Variants in AGRN observed in about 807,000 individuals in gnomAD.
AGRN encodes agrin proteoglycan.
Under a neutral mutation model 211.0 loss-of-function variants are expected in AGRN, and 106 were observed. The ratio of observed to expected loss-of-function variants is 0.50; its 90% CI spans 0.43 to 0.59. The LOEUF is 0.59. Among genes scored for constraint, AGRN ranks in the 20% least tolerant of loss-of-function variants. The pLI is 0.00. For missense variants in AGRN, 3,040 were observed against 2,982.6 expected, an observed-to-expected ratio of 1.02 and a Z score of -0.45; for synonymous variants, 1,525 against 1,332.5, an observed-to-expected ratio of 1.14 and a Z score of -3.15.
In AGRN at chr1:1,049,706, C is replaced by T. The variant is rs775846318; in HGVS notation, c.4655C>T (p.Pro1552Leu). The T allele has an allele frequency of 2.5e-6, 4 of 1,578,558 alleles. No individual in the cohort carries two copies. The highest frequency in any genetic ancestry group is 3.3e-4 in the Middle Eastern group (2 of 6,030). ...GSGVGECGDH[P>L]CLPNPCHGGA... Reference sequence around the variant, plus strand: ...GGCGTGGGCGAGTGCGGGGACCACCCCTGCCTGCCCAACCCCTGCCATGGC... The same window carrying T: ...GGCGTGGGCGAGTGCGGGGACCACCTCTGCCTGCCCAACCCCTGCCATGGC... Residue 1552 changes from proline (P) to leucine (L), a missense_variant, in exon 26 of 36, where the codon CCC becomes CTC. This residue lies in a region of AGRN where 1,537 missense variants were observed against 1,505.0 expected (regional missense o/e 1.02). Transcript: ENST00000379370.
intron 2 of AGRN, chr1:1,034,872 A>T: frequency 2.8e-6 from 1 of 359,586 alleles, no homozygotes; most frequent in East Asian, 7.3e-5. Flanking sequence ...TTGGGCTCTC[A>T]GTGGGCCTGG....
chr1:1,051,117 C>G (rs989813693), intron 30 of AGRN, 136 bp from the exon 31 acceptor site: 43 of 1,539,812 alleles, frequency 2.8e-5, no homozygotes, highest in Non-Finnish European at 3.2e-5. Flanking sequence ...CCACTAAGGA[C>G]CCTGCCATTT....
intron 3 of AGRN, among the ~76,000 whole-genome samples, chr1:1,038,191 GCTGGGGCCACAT>G (rs1449143547): frequency 3.3e-5 from 5 of 152,208 alleles, no homozygotes; most frequent in African/African-American, 1.2e-4. Flanking sequence ...CCACTCCACA[GCTGGGGCCACAT>G]TCCAAGAGGA....
At chr1:1,052,987 G>C (rs1187063088) in intron 33 of AGRN, 1 of 175,644 alleles carries the variant, frequency 5.7e-6, no homozygotes, top group Non-Finnish European at 1.2e-5. Context: ...GAGCACTCAG[G>C]TGTGTCTGTG....
At chr1:1,020,614 C>T (rs963773441) in intron 1 of AGRN, among the ~76,000 whole-genome samples, 1 of 152,210 alleles carries the variant, frequency 6.6e-6, no homozygotes, top group African/African-American at 2.4e-5. Flanking sequence ...GAGACAAGTG[C>T]ACCTCGCCCA....
intron 2 of AGRN, among the ~76,000 whole-genome samples, chr1:1,025,990 G>T (rs912345110): frequency 6.6e-6 from 1 of 152,154 alleles, no homozygotes; most frequent in East Asian, 1.9e-4. Context: ...GGCCTGGGGG[G>T]GGGCTTTGCT....
In AGRN at chr1:1,054,998, C is replaced by G. The variant is rs758552329; in HGVS notation, c.*17C>G. On this transcript the variant is annotated 3_prime_UTR_variant, in exon 36 of 36. Coordinates refer to ENST00000379370, the MANE Select transcript of AGRN (RefSeq NM_198576.4). Reference sequence around the variant, plus strand: ...ACCCCATGAGCTGGCACCAGAGCCCCGCGCCCGCTGTAATTATTTTCTATT... The same window carrying G: ...ACCCCATGAGCTGGCACCAGAGCCCGGCGCCCGCTGTAATTATTTTCTATT... 1.3e-6 allele frequency: 2 copies of G among 1,547,718 alleles called. No homozygotes were observed. Among genetic ancestry groups the G allele is most frequent in the South Asian group, 1.2e-5 (1 of 84,034 alleles).
At chr1:1,051,425 G>A (rs769435027) in intron 31 of AGRN, 28 bp from the exon 32 acceptor site, 31 of 1,541,872 alleles carry the variant, frequency 2.0e-5, no homozygotes, top group Admixed American at 1.5e-4. Context: ...GGTGGCAGGC[G>A]GGACAAGGCC....
At position 1,048,408 on chromosome 1, in the gene AGRN, T is replaced by C. The variant is rs574956161; in HGVS notation, c.4105+43T>C. The stretch of plus-strand genomic sequence containing the variant: ...AGAGGAGGGCGGGGAGGCAGCAGGG[T>C]GGGGGCAAGGATTGGGGGTGGGGCT... On this transcript the variant is annotated intron_variant, in intron 23 of 35. Coordinates refer to ENST00000379370, the MANE Select transcript of AGRN (RefSeq NM_198576.4). This position sits in a 1 kb window ranked among gnomAD's most constrained non-coding sequence, Gnocchi z 5.9. The C allele has an allele frequency of 2.2e-4, 155 of 704,678 alleles. 2 individuals are homozygous for C. In the South Asian group the frequency reaches 3.0e-3, roughly 14 times the overall value. 43.7% of individuals were successfully genotyped at this position (704,678 alleles called of 1,614,324 possible).
chr1:1,047,822 G>A lies in AGRN; in HGVS notation c.3678G>A (p.Gln1226=), dbSNP rs970361035. The A allele has an allele frequency of 1.9e-6, 3 of 1,604,064 alleles. No individual in the cohort carries two copies. Among genetic ancestry groups the A allele is most frequent in the Non-Finnish European group, 2.6e-6 (3 of 1,175,924 alleles). Residue 1226 remains glutamine, a synonymous_variant, in exon 22 of 36, where the codon CAG becomes CAA. Transcript: ENST00000379370. ...ACGTGGCCCGGGCCCTGCTCCGGCA[G>A]ATCCAGGTGTCCAGGCGCCGGTCCT... ...APDVARALLR[Q]IQVSRRRSLG...
rs540580770 is a variant in AGRN at position 1,051,809 on chromosome 1, C to T, written c.5645C>T (p.Thr1882Ile). The stretch of plus-strand genomic sequence containing the variant: ...TTTGTCGAGTACCTCAACGCTGTGA[C>T]CGAGAGGTAACGTGCCATCCTCTGC... ...RTFVEYLNAV[T>I]ESEKALQSNH... The change falls in exon 33 of 36, where the codon ACC (threonine) becomes ATC (isoleucine). Residue 1882 changes from threonine to isoleucine, a missense_variant. By Grantham distance (89) the Thr-to-Ile change is moderately conservative. Transcript: ENST00000379370. The T allele has an allele frequency of 1.4e-4, 225 of 1,613,702 alleles. 1 individual carries two copies. In the South Asian group the frequency reaches 1.8e-3, roughly 13 times the overall value.
At position 1,031,125 on chromosome 1, in the gene AGRN, ATG is replaced by A. The variant is rs368072930; in HGVS notation, c.464-4141_464-4140del. On this transcript the variant is annotated intron_variant, in intron 2 of 35. Coordinates refer to ENST00000379370, the MANE Select transcript of AGRN (RefSeq NM_198576.4). This position sits in a 1 kb window ranked among gnomAD's most constrained non-coding sequence, Gnocchi z 4.8. Reference sequence around the variant, plus strand: ...TGTGCGGTGCATGGTGCTGTGTGAGATGTGTGTGTGTGCAGTGCATGGTGCTG... The same window carrying A: ...TGTGCGGTGCATGGTGCTGTGTGAGATGTGTGTGTGCAGTGCATGGTGCTG... Among the ~76,000 whole-genome samples, 77 of 73,128 alleles carry A rather than the reference ATG, an allele frequency of 1.1e-3. 2 individuals carry two copies. The highest frequency in any genetic ancestry group is 3.8e-3 in the African/African-American group (67 of 17,438). The allele number at this position is 73,128 out of a possible 152,430, so 48.0% of individuals were successfully genotyped here.
chr1:1,049,124 G>A, intron 24 of AGRN, 65 bp downstream of exon 24: 4 of 756,446 alleles, frequency 5.3e-6, no homozygotes, highest in East Asian at 4.1e-5. Context: ...GCGGGGGAGG[G>A]GGGGCCGGGG....
At position 1,051,717 on chromosome 1, in the gene AGRN, C is replaced by A; in HGVS notation, c.5564-11C>A. 6.2e-7 allele frequency: 1 copy of A among 1,613,666 alleles called. No individual in the cohort carries two copies. The highest frequency in any genetic ancestry group is 8.5e-7 in the Non-Finnish European group (1 of 1,179,976). On this transcript the variant is annotated splice_polypyrimidine_tract_variant and intron_variant, in intron 32 of 35. Transcript: ENST00000379370. ...CCCACGAGGCCCCACCCTCACCTGC[C>A]TATCTCACAGGGCTGGTGGAGAAGT...
At chr1:1,041,430 C>G (rs1384506182) in intron 5 of AGRN, 33 bp downstream of exon 5, 5 of 1,550,562 alleles carry the variant, frequency 3.2e-6, no homozygotes, top group Admixed American at 3.8e-5. Flanking sequence ...GGCTCGAGCT[C>G]TGTGGGCGCG....
At chr1:1,041,455 T>C in intron 5 of AGRN, 23 bp from the exon 6 acceptor site, 1 of 1,574,646 alleles carries the variant, frequency 6.4e-7, no homozygotes, top group Non-Finnish European at 8.6e-7. Flanking sequence ...GACAGCGTCC[T>C]GACTCCTGCC....
intron 33 of AGRN, chr1:1,052,696 C>T (rs1304040610): frequency 1.3e-5 from 2 of 151,618 alleles, no homozygotes; most frequent in African/African-American, 2.7e-5. Flanking sequence ...ACACATGGGT[C>T]CATGTATGTG....
In AGRN at chr1:1,048,265, A is replaced by C. The variant is rs1306357418; in HGVS notation, c.4005A>C (p.Ser1335=). Residue 1335 remains serine, a synonymous_variant, in exon 23 of 36, where the codon TCA becomes TCC. Coordinates refer to ENST00000379370, the MANE Select transcript of AGRN (RefSeq NM_198576.4). This position sits in a 1 kb window ranked among gnomAD's most constrained non-coding sequence, Gnocchi z 5.9. ...AGCAGCCTCCAAAGCCCTGTGACTCACAGCCCTGCTTCCACGGGGGGACCT... is the reference window on the plus strand; with the variant it reads ...AGCAGCCTCCAAAGCCCTGTGACTCCCAGCCCTGCTTCCACGGGGGGACCT... ...APQQPPKPCD[S]QPCFHGGTCQ... 2 of 1,535,602 alleles carry C rather than the reference A, an allele frequency of 1.3e-6. No homozygotes were observed. Among genetic ancestry groups the C allele is most frequent in the East Asian group, 4.8e-5 (2 of 41,386 alleles).
chr1:1,022,040 C>T (rs1403725329), intron 1 of AGRN, among the ~76,000 whole-genome samples, 161 bp from the exon 2 acceptor site: 1 of 152,258 alleles, frequency 6.6e-6, no homozygotes, highest in African/African-American at 2.4e-5. Flanking sequence ...CCAGTGTGGG[C>T]TTCCCCCAGC....
Sources: gnomAD v4.1 joint callset for allele counts (sites outside exome capture counted in the v4.1 genomes callset) on GRCh38, gnomAD v4.1.1 for gene constraint, gnomAD v4.1.1 regional missense constraint, Gnocchi (gnomAD v3.1) non-coding constraint, MANE v1.5 for transcripts, NCBI Gene and HGNC (gene_info 2026-07-23, HGNC 2026-07-21) for gene names.